SPATA6: variants seen among roughly 807,000 people sequenced by gnomAD.
SPATA6 encodes spermatogenesis-associated protein 6.
A neutral mutation model predicts 65.3 loss-of-function variants in SPATA6; 56 were observed. The ratio of observed to expected loss-of-function variants is 0.86; its 90% CI spans 0.69 to 1.07. The LOEUF (loss-of-function observed/expected upper bound fraction) is 1.07, where lower values mean the gene tolerates loss of function less well. Ranked by LOEUF, SPATA6 falls within the 50% of genes least tolerant of loss-of-function variation. The pLI is 0.00. For synonymous variants in SPATA6, 199 were observed against 213.2 expected, an observed-to-expected ratio of 0.93 and a Z score of 0.58; for missense variants, 590 against 594.8, an observed-to-expected ratio of 0.99 and a Z score of 0.08.
chr1:48,396,139 AT>A (rs1650566545), intron 7 of SPATA6, among the ~76,000 whole-genome samples: 1 of 151,838 alleles, frequency 6.6e-6, no homozygotes, highest in African/African-American at 2.4e-5. Flanking sequence ...GGAGACAGAA[AT>A]CAAAATCATA....
chr1:48,329,639 G>C (rs1645858412), intron 11 of SPATA6, among the ~76,000 whole-genome samples: 1 of 152,222 alleles, frequency 6.6e-6, no homozygotes, highest in Non-Finnish European at 1.5e-5. Context: ...CACTGTCATG[G>C]AAAGGAAACA....
chr1:48,461,943 C>A (rs1376358353), intron 1 of SPATA6, among the ~76,000 whole-genome samples: 1 of 152,174 alleles, frequency 6.6e-6, no homozygotes, highest in African/African-American at 2.4e-5. Context: ...TGGAACCAAC[C>A]CAAATGTCCA....
intron 8 of SPATA6, among the ~76,000 whole-genome samples, chr1:48,386,258 C>T (rs550919900): frequency 5.9e-5 from 9 of 152,222 alleles, no homozygotes; most frequent in Admixed American, 1.3e-4. Context: ...TAAATTTATC[C>T]GTAAGATAAT....
intron 11 of SPATA6, among the ~76,000 whole-genome samples, chr1:48,331,079 C>T (rs1645902159): frequency 6.6e-6 from 1 of 152,078 alleles, no homozygotes; most frequent in Admixed American, 6.5e-5. Context: ...CAAAACAATC[C>T]GTTCAAAGGA....
At chr1:48,427,434 CAAAAAAAA>C (rs760835892) in intron 3 of SPATA6, among the ~76,000 whole-genome samples, 3 of 67,610 alleles carry the variant, frequency 4.4e-5, no homozygotes, top group East Asian at 6.5e-4. Context: ...AAAATTGAGG[CAAAAAAAA>C]AAAAAAAAGA....
chr1:48,430,020 C>T (rs2265770), intron 3 of SPATA6, among the ~76,000 whole-genome samples: 21,669 of 151,974 alleles, frequency 0.14, 1,756 homozygotes, highest in African/African-American at 0.21. Flanking sequence ...GACCAATGGA[C>T]ACACTGGGGA....
intron 11 of SPATA6, among the ~76,000 whole-genome samples, chr1:48,347,576 A>G (rs959963974): frequency 6.7e-6 from 1 of 149,434 alleles, no homozygotes; most frequent in Non-Finnish European, 1.5e-5. Context: ...TTAAAATATA[A>G]AAGTATATAT....
chr1:48,310,954 C>A (rs1444131925), intron 11 of SPATA6, among the ~76,000 whole-genome samples: 1 of 151,890 alleles, frequency 6.6e-6, no homozygotes, highest in Non-Finnish European at 1.5e-5. Context: ...ATGTAGAAAT[C>A]AAACAATATA....
At chr1:48,454,983 C>T (rs1570630333) in intron 1 of SPATA6, among the ~76,000 whole-genome samples, 1 of 152,180 alleles carries the variant, frequency 6.6e-6, no homozygotes, top group East Asian at 1.9e-4. Flanking sequence ...TAATTATCTT[C>T]TCTGCCAGCT....
intron 11 of SPATA6, among the ~76,000 whole-genome samples, chr1:48,322,820 A>G (rs1167352325): frequency 6.6e-6 from 1 of 152,274 alleles, no homozygotes; most frequent in Non-Finnish European, 1.5e-5. Context: ...TTATGAAAAA[A>G]TGCTCATCAT....
At chr1:48,263,651 C>G in the SPATA6 span, among the ~76,000 whole-genome samples, 1 of 152,190 alleles carries the variant, frequency 6.6e-6, no homozygotes, top group Non-Finnish European at 1.5e-5. Context: ...CTCATAAAGC[C>G]TTTTCAGATA....
chr1:48,413,388 C>T (rs147316443), intron 3 of SPATA6, among the ~76,000 whole-genome samples: 14,551 of 149,840 alleles, frequency 0.097, 858 homozygotes, highest in South Asian at 0.17. Flanking sequence ...CTCCCGGATT[C>T]GAGCAATTCC....
At chr1:48,464,198 A>C (rs1319206931) in intron 1 of SPATA6, among the ~76,000 whole-genome samples, 1 of 152,072 alleles carries the variant, frequency 6.6e-6, no homozygotes, top group African/African-American at 2.4e-5. Flanking sequence ...AATGATGGTG[A>C]GACTTCAGAA....
At chr1:48,437,113 C>A (rs923232704) in intron 3 of SPATA6, 2 of 1,597,538 alleles carry the variant, frequency 1.3e-6, no homozygotes, top group African/African-American at 1.3e-5. Context: ...AATACTTTCA[C>A]GGTTGCCTCC....
intron 9 of SPATA6, among the ~76,000 whole-genome samples, chr1:48,363,379 G>C (rs1646878306): frequency 6.6e-6 from 1 of 152,060 alleles, no homozygotes; most frequent in Non-Finnish European, 1.5e-5. Flanking sequence ...TACTGGCTTA[G>C]AGTCCAAAAA....
chr1:48,379,086 A>C (rs374104086), intron 9 of SPATA6, among the ~76,000 whole-genome samples: 2 of 152,206 alleles, frequency 1.3e-5, no homozygotes, highest in East Asian at 1.9e-4. Context: ...GGTAATTTTT[A>C]AAGAAAAGAG....
intron 5 of SPATA6, among the ~76,000 whole-genome samples, chr1:48,406,503 C>A (rs1420734372): frequency 6.6e-6 from 1 of 152,154 alleles, no homozygotes; most frequent in Non-Finnish European, 1.5e-5. Flanking sequence ...AATGTCAGTT[C>A]ATCTATGAAG....
intron 11 of SPATA6, among the ~76,000 whole-genome samples, chr1:48,345,920 A>G (rs1263841966): frequency 6.6e-6 from 1 of 152,124 alleles, no homozygotes; most frequent in East Asian, 1.9e-4. Context: ...ATGTACAAAG[A>G]AGAGATGGTA....
the SPATA6 span, among the ~76,000 whole-genome samples, chr1:48,276,331 T>C: frequency 0.75 from 114,089 of 151,690 alleles, 43,137 homozygotes; most frequent in East Asian, 0.82. Flanking sequence ...TCATGTCTCT[T>C]TCTCATTCAG....
Sources: gnomAD v4.1 joint callset for allele counts (sites outside exome capture counted in the v4.1 genomes callset) on GRCh38, gnomAD v4.1.1 for gene constraint, MANE v1.5 for transcripts, NCBI Gene and HGNC (gene_info 2026-07-23, HGNC 2026-07-21) for gene names.